Variants in KCNMB4 observed in about 807,000 individuals in gnomAD.
The protein encoded by KCNMB4 is potassium calcium-activated channel subfamily M regulatory beta subunit 4, also known as calcium-activated potassium channel subunit beta-4.
KCNMB4 carries 3 observed loss-of-function variants against 20.7 expected under a neutral mutation model. The ratio of observed to expected loss-of-function variants is 0.14; its 90% CI spans 0.07 to 0.37. The LOEUF is 0.37. Among genes scored for constraint, KCNMB4 ranks in the 10% least tolerant of loss-of-function variants. The pLI is 1.00. For missense variants in KCNMB4, 168 were observed against 265.9 expected, an observed-to-expected ratio of 0.63 and a Z score of 2.56; for synonymous variants, 110 against 113.4, an observed-to-expected ratio of 0.97 and a Z score of 0.19.
chr12:70,378,494 C>T (rs1883726903), intron 1 of KCNMB4, among the ~76,000 whole-genome samples: 1 of 152,148 alleles, frequency 6.6e-6, no homozygotes, highest in South Asian at 2.1e-4. Context: ...TCAGAGGAAT[C>T]ACTATAGCTA....
chr12:70,428,516 A>G (rs898416651), intron 2 of KCNMB4, among the ~76,000 whole-genome samples: 5 of 152,216 alleles, frequency 3.3e-5, no homozygotes, highest in African/African-American at 1.2e-4. Flanking sequence ...TGAGCACTGT[A>G]CCTGGGAAAA....
At chr12:70,376,674 C>T (rs1347847176) in intron 1 of KCNMB4, among the ~76,000 whole-genome samples, 1 of 151,348 alleles carries the variant, frequency 6.6e-6, no homozygotes, top group African/African-American at 2.4e-5. Flanking sequence ...TAAGACCAGC[C>T]TAGGCAACAT....
chr12:70,371,270 A>G (rs1883589206), intron 1 of KCNMB4, among the ~76,000 whole-genome samples: 1 of 152,228 alleles, frequency 6.6e-6, no homozygotes, highest in African/African-American at 2.4e-5. Flanking sequence ...AGTGAGAGAA[A>G]TGCATTAAGG....
intron 1 of KCNMB4, among the ~76,000 whole-genome samples, chr12:70,390,389 T>C (rs1868289732): frequency 6.6e-6 from 1 of 152,292 alleles, no homozygotes; most frequent in East Asian, 1.9e-4. Context: ...GTGGGTAAAA[T>C]GGTAAATTGA....
chr12:70,405,877 C>T (rs568936807), intron 2 of KCNMB4, among the ~76,000 whole-genome samples: 25 of 152,126 alleles, frequency 1.6e-4, no homozygotes, highest in African/African-American at 5.5e-4. Flanking sequence ...GGCCACATAG[C>T]GAGATCCGAT....
intron 2 of KCNMB4, among the ~76,000 whole-genome samples, chr12:70,418,191 A>G (rs755455633): frequency 9.2e-5 from 14 of 152,040 alleles, no homozygotes; most frequent in Admixed American, 2.6e-4. Context: ...AGCCTTACAG[A>G]CACCCAATGG....
intron 2 of KCNMB4, among the ~76,000 whole-genome samples, chr12:70,427,255 G>C (rs1228390729): frequency 1.3e-5 from 2 of 152,182 alleles, no homozygotes; most frequent in Non-Finnish European, 2.9e-5. Context: ...GATAAAATTG[G>C]AGGAAACTGA....
chr12:70,411,121 C>G (rs749145638), intron 2 of KCNMB4, among the ~76,000 whole-genome samples: 1 of 152,190 alleles, frequency 6.6e-6, no homozygotes, highest in African/African-American at 2.4e-5. Flanking sequence ...ATGAAATGAT[C>G]TCTAAAATTC....
chr12:70,387,610 A>G (rs1373186473), intron 1 of KCNMB4, among the ~76,000 whole-genome samples: 2 of 151,930 alleles, frequency 1.3e-5, no homozygotes, highest in Non-Finnish European at 2.9e-5. Flanking sequence ...CCATGTTGGT[A>G]AGGCTGGTGT....
chr12:70,408,833 T>TC (rs1868688222), intron 2 of KCNMB4, among the ~76,000 whole-genome samples: 1 of 152,212 alleles, frequency 6.6e-6, no homozygotes, highest in Non-Finnish European at 1.5e-5. Context: ...TCATTTTTTT[T>TC]CTCAGTCTTT....
intron 1 of KCNMB4, among the ~76,000 whole-genome samples, chr12:70,371,512 A>G (rs941243921): frequency 1.3e-5 from 2 of 152,218 alleles, no homozygotes; most frequent in South Asian, 2.1e-4. Flanking sequence ...AGAGACATCC[A>G]TCATATCAGA....
intron 2 of KCNMB4, among the ~76,000 whole-genome samples, chr12:70,402,548 A>G (rs370700493): frequency 4.0e-5 from 6 of 148,928 alleles, no homozygotes; most frequent in African/African-American, 1.5e-4. Flanking sequence ...GGAAGCTAAC[A>G]TGGGAGGATC....
chr12:70,392,257 A>T (rs1339132845), intron 1 of KCNMB4, among the ~76,000 whole-genome samples: 1 of 152,202 alleles, frequency 6.6e-6, no homozygotes, highest in African/African-American at 2.4e-5. Context: ...GAGAAATGCA[A>T]ATCAAAACCA....
At chr12:70,414,147 G>A (rs960249865) in intron 2 of KCNMB4, among the ~76,000 whole-genome samples, 1 of 152,096 alleles carries the variant, frequency 6.6e-6, no homozygotes, top group Non-Finnish European at 1.5e-5. Context: ...CAGGAGAATT[G>A]CTTGAACCCG....
At chr12:70,424,409 C>G (rs1319215993) in intron 2 of KCNMB4, among the ~76,000 whole-genome samples, 1 of 150,664 alleles carries the variant, frequency 6.6e-6, no homozygotes, top group Non-Finnish European at 1.5e-5. Flanking sequence ...CCACTGCAGT[C>G]CAGCCTGGGC....
At chr12:70,406,197 G>GA (rs1211881347) in intron 2 of KCNMB4, among the ~76,000 whole-genome samples, 10 of 152,190 alleles carry the variant, frequency 6.6e-5, no homozygotes, top group African/African-American at 2.4e-4. Flanking sequence ...AGGCTCTACA[G>GA]ACTTGTACAG....
chr12:70,367,361 C>T (rs1407074506), intron 1 of KCNMB4, among the ~76,000 whole-genome samples: 1 of 152,104 alleles, frequency 6.6e-6, no homozygotes, highest in African/African-American at 2.4e-5. Context: ...CTGCGCCTAC[C>T]GGACTGGGTT....
At chr12:70,367,127 C>T (rs1883509059) in intron 1 of KCNMB4, 57 bp downstream of exon 1, 3 of 1,353,710 alleles carry the variant, frequency 2.2e-6, no homozygotes, top group Non-Finnish European at 2.0e-6. Context: ...GAGGCAGCGT[C>T]GGTGTTAGAC....
chr12:70,389,679 G>A (rs574731535), intron 1 of KCNMB4, among the ~76,000 whole-genome samples: 70 of 152,272 alleles, frequency 4.6e-4, no homozygotes, highest in African/African-American at 1.6e-3. Flanking sequence ...GGGTGACAGA[G>A]TGAGACCCTG....
Sources: allele counts gnomAD v4.1 joint callset (sites outside exome capture counted in the v4.1 genomes callset), GRCh38; gene constraint gnomAD v4.1.1; transcripts MANE v1.5; gene names NCBI Gene and HGNC (gene_info 2026-07-23, HGNC 2026-07-21).